Variants in SCUBE1 observed in about 807,000 individuals in gnomAD.
SCUBE1 encodes the protein signal peptide, CUB and EGF-like domain-containing protein 1.
In SCUBE1, 59 loss-of-function variants were observed where a neutral mutation model predicts 124.4. The observed-to-expected ratio is 0.47, with a 90% CI of 0.38 to 0.59. The LOEUF is 0.59. Ranked by LOEUF, SCUBE1 falls within the 20% of genes least tolerant of loss-of-function variation. The probability of loss-of-function intolerance (pLI) is 0.00; values close to 1 mark genes in which losing one functional copy is unlikely to be tolerated. For synonymous variants in SCUBE1, 545 were observed against 550.9 expected, an observed-to-expected ratio of 0.99 and a Z score of 0.15; for missense variants, 1,150 against 1,371.2, an observed-to-expected ratio of 0.84 and a Z score of 2.55.
intron 4 of SCUBE1, 140 bp downstream of exon 4, chr22:43,290,906 G>T: frequency 1.1e-6 from 1 of 886,328 alleles, no homozygotes. Context: ...AATACCAGAC[G>T]TGCAAAACAG....
intron 3 of SCUBE1, among the ~76,000 whole-genome samples, chr22:43,314,764 A>G (rs1323497859): frequency 6.6e-6 from 1 of 152,174 alleles, no homozygotes; most frequent in Admixed American, 6.5e-5. Flanking sequence ...GGGAGGGAGC[A>G]GGCATTGCCC....
At chr22:43,254,503 C>T (rs529459377) in intron 6 of SCUBE1, among the ~76,000 whole-genome samples, 1 of 152,348 alleles carries the variant, frequency 6.6e-6, no homozygotes, top group South Asian at 2.1e-4. Context: ...GGCCCTGCAA[C>T]CCTGATGTTT....
chr22:43,342,489 G>A (rs1294478285), intron 1 of SCUBE1, among the ~76,000 whole-genome samples: 1 of 151,316 alleles, frequency 6.6e-6, no homozygotes, highest in Non-Finnish European at 1.5e-5. Context: ...TCTCTTTCCC[G>A]GTCTCCCTCT....
At position 43,211,678 on chromosome 22, in the gene SCUBE1, G is replaced by A. The variant is rs1921565027; in HGVS notation, c.2222-595C>T. On this transcript the variant is annotated intron_variant, in intron 17 of 21. Transcript: ENST00000360835. The surrounding 1 kb of genome is among the most constrained non-coding windows in gnomAD (Gnocchi z 4.5). Reference sequence around the variant, plus strand: ...ATTACAGGTGCACATCACCACACCCGGCTAATTATTTTTGTATTTTTTTTA... The same window carrying A: ...ATTACAGGTGCACATCACCACACCCAGCTAATTATTTTTGTATTTTTTTTA... Among the ~76,000 whole-genome samples the A allele has an allele frequency of 6.6e-6, 1 of 151,978 alleles. No homozygotes were observed. Among genetic ancestry groups the A allele is most frequent in the Admixed American group, 6.6e-5 (1 of 15,266 alleles).
At chr22:43,338,135 C>A (rs1382239756) in intron 2 of SCUBE1, among the ~76,000 whole-genome samples, 1 of 152,200 alleles carries the variant, frequency 6.6e-6, no homozygotes, top group Non-Finnish European at 1.5e-5. Flanking sequence ...CTGCCCCAGA[C>A]CCATGGGGTG....
chr22:43,268,522 C>T (rs1199966699), intron 4 of SCUBE1, among the ~76,000 whole-genome samples: 1 of 152,204 alleles, frequency 6.6e-6, no homozygotes, highest in Non-Finnish European at 1.5e-5. Context: ...CCAAGTGTCT[C>T]CTTGGTGCCC....
chr22:43,315,506 G>C (rs2146779429), intron 3 of SCUBE1, among the ~76,000 whole-genome samples: 1 of 152,286 alleles, frequency 6.6e-6, no homozygotes, highest in Non-Finnish European at 1.5e-5. Context: ...GAGACTCCAA[G>C]AAGTCGGTTA....
At chr22:43,224,252 G>A (rs577541159) in intron 10 of SCUBE1, among the ~76,000 whole-genome samples, 1 of 152,296 alleles carries the variant, frequency 6.6e-6, no homozygotes, top group Admixed American at 6.5e-5. Flanking sequence ...CTTTCTGCGA[G>A]GGCACCGTGT....
In SCUBE1 at chr22:43,255,420, C is replaced by G. The variant is rs1023241831; in HGVS notation, c.727+2799G>C. 7 of 1,370,206 alleles carry G rather than the reference C, an allele frequency of 5.1e-6. No individual in the cohort carries two copies. Among genetic ancestry groups the G allele is most frequent in the Non-Finnish European group, 6.1e-6 (6 of 983,480 alleles). The allele number at this position is 1,370,206 out of a possible 1,614,324, so 84.9% of individuals were successfully genotyped here. On this transcript the variant is annotated intron_variant, in intron 6 of 21. Coordinates refer to ENST00000360835, the MANE Select transcript of SCUBE1 (RefSeq NM_173050.5). The surrounding 1 kb of genome is among the most constrained non-coding windows in gnomAD (Gnocchi z 4.7). ...CCATGTCCACATGCCAGTGCGCACC[C>G]GAGACACACATGTGCACACACACAC...
intron 4 of SCUBE1, among the ~76,000 whole-genome samples, chr22:43,266,484 C>T (rs1924070861): frequency 6.6e-6 from 1 of 152,216 alleles, no homozygotes; most frequent in Non-Finnish European, 1.5e-5. Flanking sequence ...AGCAGATAGG[C>T]TCCGTGGCTG....
Position 43,249,753 on chromosome 22 carries a change from C to G in SCUBE1, c.727+8466G>C, listed in dbSNP as rs545861448. On this transcript the variant is annotated intron_variant, in intron 6 of 21. Transcript: ENST00000360835. Reference sequence around the variant, plus strand: ...GGAAAGCTCCTCTCTTCTCCCCCTGCCAGCAGGACAGTGGGCCCTGAGTGC... The same window carrying G: ...GGAAAGCTCCTCTCTTCTCCCCCTGGCAGCAGGACAGTGGGCCCTGAGTGC... Among the ~76,000 whole-genome samples the G allele has an allele frequency of 3.3e-5, 5 of 152,380 alleles. No homozygotes were observed. The South Asian group carries it at 1.0e-3, about 32-fold the overall frequency.
intron 6 of SCUBE1, among the ~76,000 whole-genome samples, chr22:43,251,882 C>A (rs1417417564): frequency 6.6e-6 from 1 of 152,214 alleles, no homozygotes; most frequent in Non-Finnish European, 1.5e-5. Context: ...GATTGAAGAC[C>A]TGGAGCTGAC....
At position 43,258,032 on chromosome 22, in the gene SCUBE1, C is replaced by A. The variant is rs1453019407; in HGVS notation, c.727+187G>T. 2.6e-5 allele frequency among the ~76,000 whole-genome samples: 4 copies of A among 152,200 alleles called. No homozygotes were observed. The East Asian group carries it at 5.8e-4, about 22-fold the overall frequency. On this transcript the variant is annotated intron_variant, in intron 6 of 21. Transcript: ENST00000360835. This position sits in a 1 kb window ranked among gnomAD's most constrained non-coding sequence, Gnocchi z 5.0. Reference sequence around the variant, plus strand: ...GGGGGGCTGCAGGCCCCAGAGAAGCCTCCCCAGAAAGCCTCCCCAGGGGCG... The same window carrying A: ...GGGGGGCTGCAGGCCCCAGAGAAGCATCCCCAGAAAGCCTCCCCAGGGGCG...
intron 17 of SCUBE1, 81 bp downstream of exon 17, chr22:43,212,342 TGA>T (rs1921600063): frequency 7.0e-7 from 1 of 1,425,026 alleles, no homozygotes; most frequent in African/African-American, 1.4e-5. Flanking sequence ...ATGGAGGAGA[TGA>T]GAGGGGTTCG....
rs1404512694 is a variant in SCUBE1, at chr22:43,227,341, G to A, written c.1207+33C>T. 4 of 1,595,472 alleles carry A rather than the reference G, an allele frequency of 2.5e-6. No homozygotes were observed. The Admixed American group carries it at 5.1e-5, about 20-fold the overall frequency. ...CCCTCCCATCCAAGCCCAGGTGCAG[G>A]GGAGGGGCCAGCAGCACAGGGCGGC... On this transcript the variant is annotated intron_variant, in intron 10 of 21. Transcript: ENST00000360835.
intron 15 of SCUBE1, among the ~76,000 whole-genome samples, chr22:43,215,557 C>T (rs575034439): frequency 1.3e-5 from 2 of 152,316 alleles, no homozygotes; most frequent in South Asian, 4.1e-4. Context: ...AAGCCAGTGG[C>T]GGGCTGGGGG....
chr22:43,221,597 G>A (rs537422619), intron 12 of SCUBE1, among the ~76,000 whole-genome samples: 62 of 152,294 alleles, frequency 4.1e-4, no homozygotes, highest in African/African-American at 1.5e-3. Context: ...AGCCATGATT[G>A]TGCTTTAGGA....
chr22:43,311,961 G>T (rs1297345395), intron 3 of SCUBE1, among the ~76,000 whole-genome samples: 2 of 152,156 alleles, frequency 1.3e-5, no homozygotes, highest in African/African-American at 2.4e-5. Context: ...GCTGCTTTCA[G>T]GGTAAATGGC....
In SCUBE1 at chr22:43,271,559, C is replaced by T. The variant is rs1924292863; in HGVS notation, c.485-8714G>A. Among the ~76,000 whole-genome samples the T allele has an allele frequency of 2.6e-5, 4 of 152,176 alleles. No individual in the cohort carries two copies. The South Asian group carries it at 8.3e-4, about 32-fold the overall frequency. On this transcript the variant is annotated intron_variant, in intron 4 of 21. Coordinates refer to ENST00000360835, the MANE Select transcript of SCUBE1 (RefSeq NM_173050.5). ...TCCCCTAATTCCATGCTGACAGCAT[C>T]TGCCCCTGGAGTGGCACACTGAGAG... is the stretch of plus-strand genomic sequence containing the variant.
Sources: gnomAD v4.1 joint callset for allele counts (sites outside exome capture counted in the v4.1 genomes callset) on GRCh38, gnomAD v4.1.1 for gene constraint, Gnocchi (gnomAD v3.1) non-coding constraint, MANE v1.5 for transcripts, NCBI Gene and HGNC (gene_info 2026-07-23, HGNC 2026-07-21) for gene names.